The following GFRAL variants were observed in gnomAD, a reference collection of about 807,000 sequenced individuals.
GFRAL encodes the protein GDNF family receptor alpha-like.
In GFRAL, 36 loss-of-function variants were observed where a neutral mutation model predicts 45.4. The ratio of observed to expected loss-of-function variants is 0.79; its 90% CI spans 0.61 to 1.05. The LOEUF is 1.05. GFRAL is among the 50% of genes least tolerant of loss of function. The pLI, the probability that GFRAL is intolerant of heterozygous loss-of-function variation, is 0.00. For missense variants in GFRAL, 507 were observed against 467.5 expected (o/e 1.08, Z -0.78); for synonymous variants, 166 against 154.1 (o/e 1.08, Z -0.57).
intron 3 of GFRAL, among the ~76,000 whole-genome samples, chr6:55,338,245 A>T (rs1767916678): frequency 6.6e-6 from 1 of 152,036 alleles, no homozygotes; most frequent in African/African-American, 2.4e-5. Flanking sequence ...GCTTGCCACC[A>T]CACCTGGCTG....
At chr6:55,371,746 G>C (rs535046457) in intron 6 of GFRAL, among the ~76,000 whole-genome samples, 19 of 152,262 alleles carry the variant, frequency 1.2e-4, no homozygotes, top group African/African-American at 4.6e-4. Flanking sequence ...TCTTGTGGTA[G>C]AGTGATTTGT....
Position 55,362,384 on chromosome 6 carries a change from T to C in GFRAL, c.952+3246T>C, listed in dbSNP as rs1264449959. Among the ~76,000 whole-genome samples the C allele has an allele frequency of 3.9e-5, 6 of 152,012 alleles. No individual in the cohort carries two copies. In the South Asian group the frequency reaches 1.2e-3, roughly 32 times the overall value. On this transcript the variant is annotated intron_variant, in intron 6 of 8. Coordinates refer to ENST00000340465, the MANE Select transcript of GFRAL (RefSeq NM_207410.2). ...AACTTCATAGTTCTGTTCTGAGAACTAAGCTTGGAAAATGCACTGAAGAGC... is the reference window on the plus strand; with the variant it reads ...AACTTCATAGTTCTGTTCTGAGAACCAAGCTTGGAAAATGCACTGAAGAGC...
At chr6:55,346,840 C>CT (rs1554187948) in intron 3 of GFRAL, among the ~76,000 whole-genome samples, 13 of 78,020 alleles carry the variant, frequency 1.7e-4, no homozygotes, top group African/African-American at 2.8e-4. Context: ...ATCCCCCCCC[C>CT]CCAAAAAAAA....
chr6:55,330,987 T>C (rs185698271), intron 1 of GFRAL, among the ~76,000 whole-genome samples: 1 of 152,086 alleles, frequency 6.6e-6, no homozygotes, highest in Non-Finnish European at 1.5e-5. Flanking sequence ...GTGAATGAAG[T>C]AGTGGTCCAC....
intron 3 of GFRAL, among the ~76,000 whole-genome samples, chr6:55,347,719 G>A (rs1257641634): frequency 6.6e-6 from 1 of 152,122 alleles, no homozygotes; most frequent in Non-Finnish European, 1.5e-5. Flanking sequence ...ACTAGCAAGA[G>A]CTACAGGGAA....
chr6:55,389,621 A>G (rs1768722929), intron 6 of GFRAL, among the ~76,000 whole-genome samples: 1 of 152,152 alleles, frequency 6.6e-6, no homozygotes, highest in Non-Finnish European at 1.5e-5. Flanking sequence ...AGTCAGAAAA[A>G]AGAAGGAAAA....
At chr6:55,365,649 A>C (rs1246908957) in intron 6 of GFRAL, among the ~76,000 whole-genome samples, 2 of 136,904 alleles carry the variant, frequency 1.5e-5, no homozygotes, top group African/African-American at 5.8e-5. Flanking sequence ...TTTAGCATGA[A>C]GGGTTGTTGA....
At chr6:55,398,313 G>A (rs1768852881) in intron 6 of GFRAL, among the ~76,000 whole-genome samples, 1 of 152,136 alleles carries the variant, frequency 6.6e-6, no homozygotes, top group Non-Finnish European at 1.5e-5. Flanking sequence ...ACAGAAGACC[G>A]CAACCTCTCT....
intron 3 of GFRAL, among the ~76,000 whole-genome samples, chr6:55,343,651 A>G (rs1767999863): frequency 1.3e-5 from 2 of 152,176 alleles, no homozygotes; most frequent in Admixed American, 1.3e-4. Context: ...TTCAAAAGCT[A>G]GCAGAAGGCA....
intron 6 of GFRAL, among the ~76,000 whole-genome samples, chr6:55,374,277 G>T (rs560597411): frequency 8.2e-4 from 125 of 152,210 alleles, no homozygotes; most frequent in Non-Finnish European, 1.6e-3. Flanking sequence ...TAGTGGGATT[G>T]CTGGGTCAAA....
chr6:55,339,824 C>A (rs953780876), intron 3 of GFRAL, among the ~76,000 whole-genome samples: 1 of 152,094 alleles, frequency 6.6e-6, no homozygotes, highest in African/African-American at 2.4e-5. Flanking sequence ...CCTAAATTGC[C>A]ACTTTTAGCA....
rs1768864632 is a variant in GFRAL, at chr6:55,399,218, T to C, written c.991T>C (p.Tyr331His). The change falls in exon 7 of 9, where the codon TAT becomes CAT. Residue 331 changes from tyrosine (Y) to histidine (H), a missense_variant. Coordinates refer to ENST00000340465, the MANE Select transcript of GFRAL (RefSeq NM_207410.2). ...TLSNVKGMAL[Y>H]TRKHANKITL... is the part of the protein sequence containing the mutation. The stretch of plus-strand genomic sequence containing the variant: ...GTCTAATGTCAAAGGCATGGCATTG[T>C]ATACAAGAAAACATGCAAACAAAAT... 2 of 1,606,836 alleles carry C rather than the reference T, an allele frequency of 1.2e-6. No individual in the cohort carries two copies. The highest frequency in any genetic ancestry group is 2.2e-5 in the East Asian group (1 of 44,616).
chr6:55,393,442 G>C (rs1335233866), intron 6 of GFRAL, among the ~76,000 whole-genome samples: 1 of 152,096 alleles, frequency 6.6e-6, no homozygotes, highest in Non-Finnish European at 1.5e-5. Context: ...TGAATTTACT[G>C]TGTCCCCTTG....
chr6:55,366,636 TTG>T (rs542328023), intron 6 of GFRAL, among the ~76,000 whole-genome samples: 7,852 of 125,054 alleles, frequency 0.063, 817 homozygotes, highest in African/African-American at 0.12. Flanking sequence ...TTCTGGTATG[TTG>T]TGTCTTTGTT....
At chr6:55,370,493 A>G (rs935176069) in intron 6 of GFRAL, among the ~76,000 whole-genome samples, 3 of 152,132 alleles carry the variant, frequency 2.0e-5, no homozygotes, top group Non-Finnish European at 4.4e-5. Flanking sequence ...AAATACATCT[A>G]TTTATTCTAT....
chr6:55,347,631 C>G (rs1419351526), intron 3 of GFRAL, among the ~76,000 whole-genome samples: 1 of 152,020 alleles, frequency 6.6e-6, no homozygotes. Flanking sequence ...ATTTTGGAAG[C>G]TACAAAGCTG....
chr6:55,377,060 G>A (rs1289912930), intron 6 of GFRAL, among the ~76,000 whole-genome samples: 1 of 151,932 alleles, frequency 6.6e-6, no homozygotes, highest in African/African-American at 2.4e-5. Flanking sequence ...CCAAGAGTGA[G>A]CCATTCATAC....
At chr6:55,386,266 T>C (rs938346195) in intron 6 of GFRAL, among the ~76,000 whole-genome samples, 4 of 152,102 alleles carry the variant, frequency 2.6e-5, no homozygotes, top group Admixed American at 2.6e-4. Flanking sequence ...ATAAGGCACG[T>C]TTCTTTGCTT....
At chr6:55,393,861 A>G (rs1416191291) in intron 6 of GFRAL, among the ~76,000 whole-genome samples, 5 of 152,154 alleles carry the variant, frequency 3.3e-5, no homozygotes, top group Non-Finnish European at 4.4e-5. Flanking sequence ...TTTCATTTGG[A>G]TGTTTAATAG....
Sources: allele counts gnomAD v4.1 joint callset (sites outside exome capture counted in the v4.1 genomes callset), GRCh38; gene constraint gnomAD v4.1.1; transcripts MANE v1.5; gene names NCBI Gene and HGNC (gene_info 2026-07-23, HGNC 2026-07-21).